Variants in SLC8A3 observed in about 807,000 individuals in gnomAD.
SLC8A3 encodes sodium/calcium exchanger 3.
A neutral mutation model predicts 65.4 loss-of-function variants in SLC8A3; 37 were observed. That is an observed-to-expected ratio of 0.57 (90% CI 0.44 to 0.74). The LOEUF (loss-of-function observed/expected upper bound fraction) is 0.74, where lower values mean the gene tolerates loss of function less well. Ranked by LOEUF, SLC8A3 falls within the 30% of genes least tolerant of loss-of-function variation. The pLI is 0.00. For synonymous variants in SLC8A3, 461 were observed against 444.5 expected, an observed-to-expected ratio of 1.04 and a Z score of -0.47; for missense variants, 1,112 against 1,172.1, an observed-to-expected ratio of 0.95 and a Z score of 0.75.
chr14:70,139,550 C>G (rs182768744), intron 2 of SLC8A3, among the ~76,000 whole-genome samples: 1 of 152,170 alleles, frequency 6.6e-6, no homozygotes, highest in African/African-American at 2.4e-5. Flanking sequence ...CGAGGAGGAA[C>G]AGTAGCGTAA....
intron 2 of SLC8A3, among the ~76,000 whole-genome samples, chr14:70,140,526 C>T (rs770831306): frequency 1.2e-4 from 19 of 152,120 alleles, no homozygotes; most frequent in Non-Finnish European, 2.2e-4. Context: ...GGACTTAGAG[C>T]CATGGATTTG....
At chr14:70,144,114 G>C (rs1029824346) in intron 2 of SLC8A3, among the ~76,000 whole-genome samples, 4 of 152,070 alleles carry the variant, frequency 2.6e-5, no homozygotes, top group Non-Finnish European at 5.9e-5. Flanking sequence ...ATACCCCGCT[G>C]TGGGGGCAGG....
chr14:70,088,557 G>A (rs1891602781), intron 2 of SLC8A3, among the ~76,000 whole-genome samples: 1 of 152,094 alleles, frequency 6.6e-6, no homozygotes. Flanking sequence ...ATCCTGCGTG[G>A]CTTTAGTGGC....
chr14:70,108,325 G>A (rs1025805580), intron 2 of SLC8A3, among the ~76,000 whole-genome samples: 7 of 151,820 alleles, frequency 4.6e-5, no homozygotes, highest in East Asian at 1.9e-4. Context: ...GCTTTAACCC[G>A]GGAGCCGGAG....
At chr14:70,141,566 A>G (rs541825160) in intron 2 of SLC8A3, among the ~76,000 whole-genome samples, 1 of 152,336 alleles carries the variant, frequency 6.6e-6, no homozygotes, top group South Asian at 2.1e-4. Context: ...GCAGCAGTTC[A>G]TAAATGTGGT....
chr14:70,059,618 G>T (rs558698034), intron 3 of SLC8A3, among the ~76,000 whole-genome samples: 1 of 152,114 alleles, frequency 6.6e-6, no homozygotes, highest in Non-Finnish European at 1.5e-5. Flanking sequence ...GTCCTTTAGG[G>T]ATGAGCCCCT....
chr14:70,062,322 C>T (rs1298647973), intron 2 of SLC8A3, among the ~76,000 whole-genome samples: 1 of 152,154 alleles, frequency 6.6e-6, no homozygotes, highest in Non-Finnish European at 1.5e-5. Flanking sequence ...GTGTACTTTA[C>T]AAGTACAGTC....
intron 3 of SLC8A3, 105 bp from the exon 4 acceptor site, chr14:70,052,219 T>C: frequency 7.3e-7 from 1 of 1,370,864 alleles, no homozygotes; most frequent in Admixed American, 2.7e-5. Context: ...CAAATAACTC[T>C]TGGGAATGGG....
intron 2 of SLC8A3, among the ~76,000 whole-genome samples, chr14:70,142,633 A>G (rs1393541535): frequency 6.6e-6 from 1 of 152,222 alleles, no homozygotes; most frequent in Non-Finnish European, 1.5e-5. Flanking sequence ...AAGTCCATGC[A>G]TTACCTTTTG....
At chr14:70,084,948 A>G (rs1456344309) in intron 2 of SLC8A3, among the ~76,000 whole-genome samples, 1 of 152,196 alleles carries the variant, frequency 6.6e-6, no homozygotes, top group Non-Finnish European at 1.5e-5. Context: ...GGTTAGACAA[A>G]CTGTGTAGTA....
chr14:70,174,709 CTG>C (rs1414146104), intron 1 of SLC8A3, among the ~76,000 whole-genome samples: 1 of 118,124 alleles, frequency 8.5e-6, no homozygotes, highest in Non-Finnish European at 1.6e-5. Context: ...AGGCCAAACA[CTG>C]TGCTAGCAAT....
chr14:70,159,410 CAAA>C (rs5809471), intron 2 of SLC8A3, among the ~76,000 whole-genome samples: 3 of 133,680 alleles, frequency 2.2e-5, no homozygotes, highest in Non-Finnish European at 1.6e-5. Flanking sequence ...AAGACTCTGT[CAAA>C]AAAAAAAAAA....
chr14:70,073,099 A>T (rs945332423), intron 2 of SLC8A3, among the ~76,000 whole-genome samples: 3 of 151,616 alleles, frequency 2.0e-5, no homozygotes, highest in Admixed American at 1.3e-4. Context: ...CCACTCTTCC[A>T]TAATAAAGAT....
chr14:70,157,347 A>T (rs906166198), intron 2 of SLC8A3, among the ~76,000 whole-genome samples: 1 of 151,810 alleles, frequency 6.6e-6, no homozygotes, highest in East Asian at 1.9e-4. Flanking sequence ...TCAATTTCCC[A>T]CTCCATCATT....
chr14:70,096,019 C>T (rs1312201460), intron 2 of SLC8A3, among the ~76,000 whole-genome samples: 9 of 152,022 alleles, frequency 5.9e-5, no homozygotes, highest in Non-Finnish European at 1.3e-4. Flanking sequence ...GTAGCTGGGA[C>T]TACAGGTGTG....
intron 2 of SLC8A3, among the ~76,000 whole-genome samples, chr14:70,092,509 G>A (rs1421941415): frequency 6.6e-6 from 1 of 152,158 alleles, no homozygotes; most frequent in Non-Finnish European, 1.5e-5. Context: ...TTATCACCTA[G>A]AGTGTCAACC....
intron 5 of SLC8A3, among the ~76,000 whole-genome samples, chr14:70,049,862 A>G (rs900762127): frequency 5.3e-5 from 8 of 152,108 alleles, no homozygotes; most frequent in Non-Finnish European, 1.2e-4. Context: ...TCCTCCAAAC[A>G]TCTCATGGGA....
At chr14:70,047,010 C>T (rs919680251) in intron 6 of SLC8A3, 1 of 152,112 alleles carries the variant, frequency 6.6e-6, no homozygotes, top group East Asian at 1.9e-4. Context: ...AAATAAGGGT[C>T]AAAGAATTTA....
chr14:70,120,889 G>A (rs945832800), intron 2 of SLC8A3, among the ~76,000 whole-genome samples: 2 of 152,176 alleles, frequency 1.3e-5, no homozygotes, highest in Non-Finnish European at 2.9e-5. Flanking sequence ...TCATAGTCTA[G>A]AGAGGAGTCA....
Sources: allele counts gnomAD v4.1 joint callset (sites outside exome capture counted in the v4.1 genomes callset), GRCh38; gene constraint gnomAD v4.1.1; transcripts MANE v1.5; gene names NCBI Gene and HGNC (gene_info 2026-07-23, HGNC 2026-07-21).